SIGLEC1: variants seen among roughly 807,000 people sequenced by gnomAD.
SIGLEC1 encodes the protein sialic acid binding Ig like lectin 1, also known as sialoadhesin.
SIGLEC1 carries 132 observed loss-of-function variants against 148.0 expected under a neutral mutation model. The observed-to-expected ratio is 0.89, with a 90% CI of 0.77 to 1.03. The LOEUF (loss-of-function observed/expected upper bound fraction) is 1.03, where lower values mean the gene tolerates loss of function less well. Ranked by LOEUF, SIGLEC1 falls within the 50% of genes least tolerant of loss-of-function variation. The pLI, the probability that SIGLEC1 is intolerant of heterozygous loss-of-function variation, is 0.00. For synonymous variants in SIGLEC1, 945 were observed against 969.0 expected, an observed-to-expected ratio of 0.98 and a Z score of 0.46; for missense variants, 2,253 against 2,271.4, an observed-to-expected ratio of 0.99 and a Z score of 0.16.
rs11483963 is a variant in SIGLEC1, at chr20:3,687,101, C to CG, written c.*1458dup. 0.46 allele frequency: 69,207 copies of CG among 151,928 alleles called. 15,985 individuals carry two copies. The highest frequency in any genetic ancestry group is 0.54 in the South Asian group (2,587 of 4,814). 9.4% of individuals were successfully genotyped at this position (151,928 alleles called of 1,614,324 possible). A position where few individuals can be genotyped will look rare whatever the true frequency, so the allele number is the denominator to read the frequency against. ...CGGCCTCGGCTACACAAAGTTCACC[C>CG]GCCCCCAACTGCCTCCCAGCGTGTT... On this transcript the variant is annotated 3_prime_UTR_variant, in exon 22 of 22. Coordinates refer to ENST00000344754, the MANE Select transcript of SIGLEC1 (RefSeq NM_023068.4).
intron 10 of SIGLEC1, 83 bp from the exon 11 acceptor site, chr20:3,696,971 C>T (rs1231356034): frequency 5.9e-6 from 9 of 1,531,876 alleles, no homozygotes; most frequent in South Asian, 1.2e-5. Context: ...CCTCCTGCCA[C>T]ACACACAGCC....
At position 3,705,988 on chromosome 20, in the gene SIGLEC1, T is replaced by C. The variant is rs748893215; in HGVS notation, c.462A>G (p.Thr154=). ...GAGTGGAGCAGTTGAAGTCCACCTCTGTGCCCTCGAGAAGCTCCACCGGGG... is the reference window on the plus strand; with the variant it reads ...GAGTGGAGCAGTTGAAGTCCACCTCCGTGCCCTCGAGAAGCTCCACCGGGG... The part of the protein sequence containing the change: ...IASPVELLEG[T]EVDFNCSTPY... The change falls in exon 4 of 22, where the codon ACA becomes ACG. Residue 154 remains threonine (T), a synonymous_variant. Coordinates refer to ENST00000344754, the MANE Select transcript of SIGLEC1 (RefSeq NM_023068.4). 76 of 1,613,880 alleles carry C rather than the reference T, an allele frequency of 4.7e-5. No individual in the cohort carries two copies. The highest frequency in any genetic ancestry group is 6.4e-5 in the Non-Finnish European group (75 of 1,180,024).
intron 8 of SIGLEC1, among the ~76,000 whole-genome samples, chr20:3,698,653 C>T (rs977681518): frequency 1.3e-5 from 2 of 152,250 alleles, no homozygotes; most frequent in African/African-American, 4.8e-5. Context: ...TCAGCCAAGG[C>T]CCCCATGTGA....
rs2087832442 is a variant in SIGLEC1, at chr20:3,699,443, G to A, written c.1545C>T (p.Ile515=). ...DFHANAARLL[I]SPAAEVVEGQ... ...CTTCCACCACCTCGGCTGCCGGGCT[G>A]ATGAGGAGACGGGCGGCTGCGGGGA... is the stretch of plus-strand genomic sequence containing the variant. Residue 515 remains isoleucine, a synonymous_variant, in exon 8 of 22, where the codon ATC becomes ATT. Transcript: ENST00000344754. 1 of 1,609,834 alleles carries A rather than the reference G, an allele frequency of 6.2e-7. No homozygotes were observed. Among genetic ancestry groups the A allele is most frequent in the African/African-American group, 1.3e-5 (1 of 74,924 alleles).
At chr20:3,703,003 C>A in intron 6 of SIGLEC1, 194 bp downstream of exon 6, 1 of 593,292 alleles carries the variant, frequency 1.7e-6, no homozygotes, top group Non-Finnish European at 2.9e-6. Flanking sequence ...GTTTAAACTT[C>A]CAAATATAAA....
chr20:3,706,013 G>T lies in SIGLEC1; in HGVS notation c.437C>A (p.Ser146Tyr), dbSNP rs1237987140. 1.9e-6 allele frequency: 3 copies of T among 1,613,450 alleles called. No individual in the cohort carries two copies. In the African/African-American group the frequency reaches 4.0e-5, roughly 22 times the overall value. ...TEEPRVPTIA[S>Y]PVELLEGTEV... ...TGTGCCCTCGAGAAGCTCCACCGGG[G>T]AGGCAATGGTGGGCACCCTGGGCTC... The change falls in exon 4 of 22, where the codon TCC becomes TAC. Residue 146 changes from serine (S) to tyrosine (Y), a missense_variant. Transcript: ENST00000344754.
At chr20:3,703,716 AC>A in intron 5 of SIGLEC1, 108 bp downstream of exon 5, 2 of 1,421,058 alleles carry the variant, frequency 1.4e-6, no homozygotes, top group Non-Finnish European at 1.9e-6. Context: ...TCCAGGAAGC[AC>A]TGGGTTATGC....
chr20:3,707,392 G>C (rs796761432), intron 1 of SIGLEC1, among the ~76,000 whole-genome samples, 155 bp from the exon 2 acceptor site: 2 of 152,314 alleles, frequency 1.3e-5, no homozygotes, highest in African/African-American at 4.8e-5. Context: ...TTGGTGGCCT[G>C]CCTCAGAAAA....
rs777042740 is a variant in SIGLEC1, at chr20:3,693,019, G to A, written c.3621C>T (p.His1207=). ...SRPPAQLALS[H]AGRLLASSTA... ...TCGAGGAGGCCAAGAGGCGACCGGCGTGGCTGAGGGCCAGCTGGGCGGGCG... is the reference window on the plus strand; with the variant it reads ...TCGAGGAGGCCAAGAGGCGACCGGCATGGCTGAGGGCCAGCTGGGCGGGCG... Residue 1207 remains histidine, a synonymous_variant, in exon 15 of 22, where the codon CAC becomes CAT. Transcript: ENST00000344754. 304 of 1,611,758 alleles carry A rather than the reference G, an allele frequency of 1.9e-4. No individual in the cohort carries two copies. Among genetic ancestry groups the A allele is most frequent in the East Asian group, 1.6e-3 (74 of 44,884 alleles).
chr20:3,711,029 G>A (rs1447619470), intron 1 of SIGLEC1, among the ~76,000 whole-genome samples: 2 of 152,180 alleles, frequency 1.3e-5, no homozygotes, highest in Non-Finnish European at 2.9e-5. Context: ...CCCGCCCCCC[G>A]CAACTTGGGT....
rs377425801 is a variant in SIGLEC1 at position 3,689,965 on chromosome 20, T to C, written c.4891A>G (p.Arg1631Gly). Reference sequence around the variant, plus strand: ...AGATGGAGCCCCCTCCCCTCACCTCTGACCCCAAAGTAGGTGGAGGTAGAG... The same window carrying C: ...AGATGGAGCCCCCTCCCCTCACCTCCGACCCCAAAGTAGGTGGAGGTAGAG... Reference protein sequence around the residue: ...SASTSTYFGVRALHRLHQFQQ... With the variant: ...SASTSTYFGVGALHRLHQFQQ... Residue 1631 changes from arginine to glycine, a missense_variant, in exon 19 of 22, where the codon AGA becomes GGA. Transcript: ENST00000344754. 6.6e-5 allele frequency: 107 copies of C among 1,611,256 alleles called. No homozygotes were observed. The highest frequency in any genetic ancestry group is 8.5e-5 in the Non-Finnish European group (100 of 1,178,910).
chr20:3,705,832 C>G lies in SIGLEC1; in HGVS notation c.618G>C (p.Met206Ile), dbSNP rs1372209633. The change falls in exon 4 of 22, where the codon ATG (methionine) becomes ATC (isoleucine). Residue 206 changes from methionine to isoleucine, a missense_variant. Met to Ile is a conservative substitution (Grantham distance 10). Coordinates refer to ENST00000344754, the MANE Select transcript of SIGLEC1 (RefSeq NM_023068.4). ...GGATCCGGCCGTGGTCCTGCCAGGA[C>G]ATGGCCATGTGGAGGGTCTCCAGGT... The part of the protein sequence containing the change: ...VGHLETLHMA[M>I]SWQDHGRILR... The G allele has an allele frequency of 6.2e-7, 1 of 1,614,138 alleles. No homozygotes were observed. Among genetic ancestry groups the G allele is most frequent in the African/African-American group, 1.3e-5 (1 of 75,082 alleles).
chr20:3,696,774 C>A lies in SIGLEC1; in HGVS notation c.2495G>T (p.Gly832Val), dbSNP rs1600284104. 1 of 1,613,128 alleles carries A rather than the reference C, an allele frequency of 6.2e-7. No homozygotes were observed. The highest frequency in any genetic ancestry group is 2.2e-5 in the East Asian group (1 of 44,878). Reference protein sequence around the residue: ...RPLALLALFHGEHLLATSLGP... With the variant: ...RPLALLALFHVEHLLATSLGP... ...CAGGCTGGTGGCCAGGAGGTGCTCC[C>A]CATGGAACAAGGCCAGCAAGGCCAG... The change falls in exon 11 of 22, where the codon GGG (glycine) becomes GTG (valine). Residue 832 changes from glycine to valine, a missense_variant. Transcript: ENST00000344754.
At chr20:3,690,829 C>CTTTTTTTTTTTTT (rs1226435413) in intron 18 of SIGLEC1, among the ~76,000 whole-genome samples, 3 of 117,020 alleles carry the variant, frequency 2.6e-5, no homozygotes, top group African/African-American at 3.8e-5. Context: ...CTTTTCTTTT[C>CTTTTTTTTTTTTT]TTTTTTTTTT....
At position 3,697,201 on chromosome 20, in the gene SIGLEC1, G is replaced by A. The variant is rs373832776; in HGVS notation, c.2264C>T (p.Pro755Leu). Reference protein sequence around the residue: ...FRNGVLWAQGPLETVTLLPVA... With the variant: ...FRNGVLWAQGLLETVTLLPVA... Reference sequence around the variant, plus strand: ...GGGCAGCAGTGTCACGGTCTCCAGGGGACCCTGGGCCCACAGCACCCCATT... The same window carrying A: ...GGGCAGCAGTGTCACGGTCTCCAGGAGACCCTGGGCCCACAGCACCCCATT... Residue 755 changes from proline to leucine, a missense_variant, in exon 10 of 22, where the codon CCC becomes CTC. Transcript: ENST00000344754. 2.5e-6 allele frequency: 4 copies of A among 1,613,792 alleles called. No individual in the cohort carries two copies. In the African/African-American group the frequency reaches 5.3e-5, roughly 22 times the overall value.
intron 2 of SIGLEC1, 47 bp from the exon 3 acceptor site, chr20:3,706,753 T>G (rs939707849): frequency 1.3e-6 from 2 of 1,495,132 alleles, no homozygotes; most frequent in Non-Finnish European, 1.8e-6. Flanking sequence ...GATACAGGCC[T>G]CAGGGTGCCA....
In SIGLEC1 at chr20:3,694,646, G is replaced by A. The variant is rs780247803; in HGVS notation, c.2944+17C>T. The A allele has an allele frequency of 1.2e-6, 2 of 1,602,224 alleles. No homozygotes were observed. Among genetic ancestry groups the A allele is most frequent in the Non-Finnish European group, 8.5e-7 (1 of 1,172,540 alleles). On this transcript the variant is annotated intron_variant, in intron 12 of 21. Coordinates refer to ENST00000344754, the MANE Select transcript of SIGLEC1 (RefSeq NM_023068.4). ...TGCATTCCTTCCCCCACACCTGGATGGGACAAAAGTCCTTACAGGACACGT... is the reference window on the plus strand; with the variant it reads ...TGCATTCCTTCCCCCACACCTGGATAGGACAAAAGTCCTTACAGGACACGT...
chr20:3,701,383 G>A lies in SIGLEC1; in HGVS notation c.1487C>T (p.Ser496Phe), dbSNP rs751964154. The change falls in exon 7 of 22, where the codon TCC (serine) becomes TTC (phenylalanine). Residue 496 changes from serine (S) to phenylalanine (F), a missense_variant. Ser to Phe is a radical substitution (Grantham distance 155, BLOSUM62 -2). Coordinates refer to ENST00000344754, the MANE Select transcript of SIGLEC1 (RefSeq NM_023068.4). ...CAGGGTGGAGGTTGCATTTCCAAGG[G>A]AGTTGGTGGCTGAGCACTTGTACTC... ...SGEYKCSATN[S>F]LGNATSTLDF... The A allele has an allele frequency of 1.2e-6, 2 of 1,613,874 alleles. No individual in the cohort carries two copies. Among genetic ancestry groups the A allele is most frequent in the South Asian group, 2.2e-5 (2 of 91,068 alleles).
In SIGLEC1 at chr20:3,689,623, G is replaced by T; in HGVS notation, c.4974C>A (p.Gly1658=). ...LLVGLLLLLL[G]LGACYTWRRR... ...ACCTCCAGGTGTAGCAGGCCCCCAG[G>T]CCCAACAGCAGGAGCAGGAGGCCCA... The change falls in exon 20 of 22, where the codon GGC becomes GGA. Residue 1658 remains glycine (G), a synonymous_variant. Transcript: ENST00000344754. 1 of 1,585,606 alleles carries T rather than the reference G, an allele frequency of 6.3e-7. No homozygotes were observed. Among genetic ancestry groups the T allele is most frequent in the Admixed American group, 1.8e-5 (1 of 55,884 alleles).
Sources: gnomAD v4.1 joint callset for allele counts (sites outside exome capture counted in the v4.1 genomes callset) on GRCh38, gnomAD v4.1.1 for gene constraint, MANE v1.5 for transcripts, NCBI Gene and HGNC (gene_info 2026-07-23, HGNC 2026-07-21) for gene names.